The following KLHL3 variants were observed in gnomAD, a reference collection of about 807,000 sequenced individuals.
KLHL3 encodes the protein kelch like family member 3.
Under a neutral mutation model 70.5 loss-of-function variants are expected in KLHL3, and 19 were observed. The observed-to-expected ratio is 0.27, with a 90% CI of 0.19 to 0.40. The LOEUF is 0.40. Ranked by LOEUF, KLHL3 falls within the 10% of genes least tolerant of loss-of-function variation. KLHL3 has a pLI of 1.00. For missense variants in KLHL3, 512 were observed against 771.1 expected, an observed-to-expected ratio of 0.66 and a Z score of 3.98; for synonymous variants, 258 against 290.3, an observed-to-expected ratio of 0.89 and a Z score of 1.13.
intron 2 of KLHL3, among the ~76,000 whole-genome samples, chr5:137,719,384 G>T (rs1406115142): frequency 5.3e-5 from 8 of 152,322 alleles, no homozygotes; most frequent in South Asian, 2.1e-4. Flanking sequence ...CTCAAAAGTT[G>T]CCTCTGCCTT....
intron 6 of KLHL3, among the ~76,000 whole-genome samples, chr5:137,672,265 G>A (rs906470299): frequency 2.6e-5 from 4 of 152,126 alleles, no homozygotes; most frequent in Non-Finnish European, 2.9e-5. Flanking sequence ...CCAGCCCACC[G>A]GCCAAGGCTC....
At chr5:137,718,616 A>G (rs1490245785) in intron 2 of KLHL3, among the ~76,000 whole-genome samples, 1 of 152,292 alleles carries the variant, frequency 6.6e-6, no homozygotes, top group Non-Finnish European at 1.5e-5. Context: ...AGTTGACTAT[A>G]ATACCAGGCA....
intron 3 of KLHL3, among the ~76,000 whole-genome samples, chr5:137,702,927 C>A (rs753931196): frequency 2.0e-5 from 3 of 152,032 alleles, no homozygotes; most frequent in African/African-American, 4.8e-5. Flanking sequence ...ACAGCTGAGA[C>A]CTTTTTAGGT....
At chr5:137,726,493 ACT>A (rs1331353138) in intron 1 of KLHL3, among the ~76,000 whole-genome samples, 1 of 152,100 alleles carries the variant, frequency 6.6e-6, no homozygotes, top group East Asian at 1.9e-4. Flanking sequence ...GACCAATTAA[ACT>A]TTACCTCCTC....
In KLHL3 at chr5:137,639,726, A is replaced by AAAAT; in HGVS notation, c.1021+133_1021+134insATTT. ...CGACAACAACCAAAAAAAAAAAAAA[A>AAAAT]GTGTGCAGGAGGGAAACGAATGGGA... is the stretch of plus-strand genomic sequence containing the variant. On this transcript the variant is annotated intron_variant, in intron 9 of 14. Transcript: ENST00000309755. The surrounding 1 kb of genome is among the most constrained non-coding windows in gnomAD (Gnocchi z 5.0). The AAAAT allele has an allele frequency of 1.6e-6, 1 of 624,410 alleles. No individual in the cohort carries two copies. The highest frequency in any genetic ancestry group is 2.1e-5 in the South Asian group (1 of 48,136). The allele number at this position is 624,410 out of a possible 1,614,324, so 38.7% of individuals were successfully genotyped here.
At chr5:137,729,549 T>G (rs138958515) in intron 1 of KLHL3, among the ~76,000 whole-genome samples, 1 of 152,070 alleles carries the variant, frequency 6.6e-6, no homozygotes, top group Admixed American at 6.6e-5. Flanking sequence ...TTCAGAGAGG[T>G]AGAATGTGGT....
In KLHL3 at chr5:137,619,129, A is replaced by T. The variant is rs1756323753; in HGVS notation, c.*2969T>A. 6.6e-6 allele frequency: 1 copy of T among 152,666 alleles called. No individual in the cohort carries two copies. Among genetic ancestry groups the T allele is most frequent in the Non-Finnish European group, 1.5e-5 (1 of 68,050 alleles). The allele number at this position is 152,666 out of a possible 1,614,324, so 9.5% of individuals were successfully genotyped here. ...TAAAAGCTATAGCTTCAATTTTATA[A>T]AAAGGCAATCTTTGAAAGGATCTGG... is the stretch of plus-strand genomic sequence containing the variant. On this transcript the variant is annotated 3_prime_UTR_variant, in exon 15 of 15. Transcript: ENST00000309755.
intron 1 of KLHL3, among the ~76,000 whole-genome samples, chr5:137,732,995 T>A (rs902957939): frequency 4.6e-5 from 7 of 152,224 alleles, no homozygotes; most frequent in Non-Finnish European, 8.8e-5. Context: ...TAGAAAGTAT[T>A]TTCATACCCT....
At chr5:137,670,825 T>A (rs1458887160) in intron 6 of KLHL3, among the ~76,000 whole-genome samples, 2 of 149,208 alleles carry the variant, frequency 1.3e-5, no homozygotes, top group Non-Finnish European at 3.0e-5. Flanking sequence ...AAAAAAAAAA[T>A]AGCCGTAAGT....
intron 6 of KLHL3, among the ~76,000 whole-genome samples, chr5:137,671,182 C>T (rs1751750424): frequency 6.6e-6 from 1 of 152,104 alleles, no homozygotes; most frequent in Non-Finnish European, 1.5e-5. Flanking sequence ...TTACTTTTCT[C>T]CCCAGGTACG....
chr5:137,649,525 T>C (rs1475640327), intron 8 of KLHL3, among the ~76,000 whole-genome samples: 1 of 152,194 alleles, frequency 6.6e-6, no homozygotes, highest in African/African-American at 2.4e-5. Flanking sequence ...ACAGCTTGAC[T>C]GTATGAGAGA....
chr5:137,711,568 C>T (rs917775865), intron 2 of KLHL3, among the ~76,000 whole-genome samples: 10 of 152,160 alleles, frequency 6.6e-5, no homozygotes, highest in Admixed American at 5.2e-4. Flanking sequence ...GAGGCAAAAC[C>T]GGGGGATTGA....
chr5:137,637,240 G>T, intron 11 of KLHL3, 54 bp downstream of exon 11: 2 of 1,452,670 alleles, frequency 1.4e-6, no homozygotes, highest in East Asian at 2.3e-5. Flanking sequence ...CTGGACCCAG[G>T]ACAAGGCCCG....
At chr5:137,686,896 C>CT (rs879839553) in intron 5 of KLHL3, among the ~76,000 whole-genome samples, 32 of 58,164 alleles carry the variant, frequency 5.5e-4, no homozygotes, top group Middle Eastern at 7.2e-3. Flanking sequence ...CCCTGAGGGG[C>CT]GCCTCTGCCC....
At chr5:137,721,837 C>G (rs899023481) in intron 1 of KLHL3, among the ~76,000 whole-genome samples, 1 of 152,198 alleles carries the variant, frequency 6.6e-6, no homozygotes, top group Non-Finnish European at 1.5e-5. Flanking sequence ...GGGGTGCCAG[C>G]TAGTTACCCA....
intron 1 of KLHL3, among the ~76,000 whole-genome samples, chr5:137,724,633 C>T (rs1219960192): frequency 6.6e-6 from 1 of 152,170 alleles, no homozygotes; most frequent in Non-Finnish European, 1.5e-5. Flanking sequence ...CATCCAGAGC[C>T]CTTTCCACTC....
intron 3 of KLHL3, among the ~76,000 whole-genome samples, chr5:137,699,419 G>A (rs565120134): frequency 6.6e-6 from 1 of 152,162 alleles, no homozygotes; most frequent in Non-Finnish European, 1.5e-5. Context: ...TATCCCAGGT[G>A]TAGCACCATT....
At chr5:137,734,396 A>AG (rs1367321147) in intron 1 of KLHL3, among the ~76,000 whole-genome samples, 1 of 151,540 alleles carries the variant, frequency 6.6e-6, no homozygotes, top group Admixed American at 6.6e-5. Context: ...CCAGCAGCAC[A>AG]GTCAGTCCCA....
intron 3 of KLHL3, among the ~76,000 whole-genome samples, chr5:137,701,201 T>G (rs1211668287): frequency 6.6e-6 from 1 of 152,044 alleles, no homozygotes; most frequent in East Asian, 1.9e-4. Context: ...CCTGGCTAAT[T>G]TGTTTTTTGT....
Sources: allele counts gnomAD v4.1 joint callset (sites outside exome capture counted in the v4.1 genomes callset), GRCh38; gene constraint gnomAD v4.1.1; non-coding constraint Gnocchi (gnomAD v3.1); transcripts MANE v1.5; gene names NCBI Gene and HGNC (gene_info 2026-07-23, HGNC 2026-07-21).